Variants in NLGN1 observed in about 807,000 individuals in gnomAD.
NLGN1 encodes neuroligin-1.
NLGN1 carries 12 observed loss-of-function variants against 65.5 expected under a neutral mutation model. The observed-to-expected ratio is 0.18, with a 90% CI of 0.12 to 0.30. NLGN1 has a LOEUF of 0.30. NLGN1 is among the 10% of genes least tolerant of loss of function. NLGN1 has a pLI of 1.00. For synonymous variants in NLGN1, 350 were observed against 359.5 expected, an observed-to-expected ratio of 0.97 and a Z score of 0.30; for missense variants, 750 against 1,007.1, an observed-to-expected ratio of 0.74 and a Z score of 3.46.
chr3:174,003,392 C>G (rs1217781626), intron 4 of NLGN1, among the ~76,000 whole-genome samples: 2 of 152,020 alleles, frequency 1.3e-5, no homozygotes, highest in Non-Finnish European at 2.9e-5. Context: ...TTAGTATCAC[C>G]TGGGAGATTG....
chr3:173,916,302 C>G (rs9856804), intron 4 of NLGN1, among the ~76,000 whole-genome samples: 43,900 of 151,822 alleles, frequency 0.29, 6,566 homozygotes, highest in East Asian at 0.36. Flanking sequence ...AGTACAGAGC[C>G]CAAAACACAA....
intron 3 of NLGN1, among the ~76,000 whole-genome samples, chr3:173,716,645 C>T (rs1769899044): frequency 6.6e-6 from 1 of 152,130 alleles, no homozygotes; most frequent in Admixed American, 6.6e-5. Flanking sequence ...CACCCAACTC[C>T]TGCTGACTTG....
Position 173,878,871 on chromosome 3 carries a change from T to TACACCTTTTGACTC in NLGN1, c.646+71042_646+71055dup, listed in dbSNP as rs1253793093. Reference sequence around the variant, plus strand: ...CTGAATCAAGAGTTATGTGGATATTTACACCTTTTGACTCACTCAGCATAT... The same window carrying TACACCTTTTGACTC: ...CTGAATCAAGAGTTATGTGGATATTTACACCTTTTGACTCACACCTTTTGACTCACTCAGCATAT... On this transcript the variant is annotated intron_variant, in intron 4 of 6. Transcript: ENST00000457714. Among the ~76,000 whole-genome samples, 7 of 152,216 alleles carry TACACCTTTTGACTC rather than the reference T, an allele frequency of 4.6e-5. No individual in the cohort carries two copies. The East Asian group carries it at 1.4e-3, about 29-fold the overall frequency.
At chr3:173,421,467 A>G (rs1487493128) in intron 1 of NLGN1, among the ~76,000 whole-genome samples, 1 of 151,576 alleles carries the variant, frequency 6.6e-6, no homozygotes. Context: ...AGGTATTCCA[A>G]CAAAGTCCAT....
At chr3:173,684,575 A>G (rs1764418636) in intron 3 of NLGN1, among the ~76,000 whole-genome samples, 1 of 152,218 alleles carries the variant, frequency 6.6e-6, no homozygotes, top group Non-Finnish European at 1.5e-5. Flanking sequence ...TGATGTTCAA[A>G]GAACCCAATT....
intron 4 of NLGN1, among the ~76,000 whole-genome samples, chr3:173,986,455 C>G (rs1560782092): frequency 6.6e-6 from 1 of 151,798 alleles, no homozygotes; most frequent in Non-Finnish European, 1.5e-5. Flanking sequence ...GGCAACAGAG[C>G]AAGACTCCAT....
intron 4 of NLGN1, among the ~76,000 whole-genome samples, chr3:174,036,421 C>A (rs968402845): frequency 1.3e-5 from 2 of 151,940 alleles, no homozygotes; most frequent in African/African-American, 4.8e-5. Context: ...TGTTTCTATG[C>A]AAATAAAGAT....
At chr3:174,136,472 A>G (rs775904979) in intron 4 of NLGN1, 2 of 152,154 alleles carry the variant, frequency 1.3e-5, no homozygotes, top group African/African-American at 4.8e-5. Context: ...GGGCAGAGCA[A>G]CATTGTTTTG....
intron 4 of NLGN1, among the ~76,000 whole-genome samples, chr3:174,141,497 C>T (rs1295505388): frequency 6.6e-6 from 1 of 152,154 alleles, no homozygotes; most frequent in Non-Finnish European, 1.5e-5. Flanking sequence ...GTTTCATTCA[C>T]TGAACATACA....
chr3:173,836,399 A>G (rs1723637551), intron 4 of NLGN1, among the ~76,000 whole-genome samples: 1 of 152,150 alleles, frequency 6.6e-6, no homozygotes, highest in Admixed American at 6.5e-5. Context: ...CTAATACTAT[A>G]GTAGTAATAA....
chr3:174,203,552 G>A (rs1400455262), intron 4 of NLGN1, among the ~76,000 whole-genome samples: 1 of 152,152 alleles, frequency 6.6e-6, no homozygotes, highest in Non-Finnish European at 1.5e-5. Context: ...CTAGCATGCT[G>A]CTACAGCTGC....
At chr3:173,525,230 TTTGTTG>T (rs34726754) in intron 2 of NLGN1, among the ~76,000 whole-genome samples, 5,358 of 150,296 alleles carry the variant, frequency 0.036, 307 homozygotes, top group African/African-American at 0.12. Flanking sequence ...GGGTGGGTTT[TTTGTTG>T]TTGTTGTTGT....
chr3:173,444,085 A>G (rs935084194), intron 2 of NLGN1, among the ~76,000 whole-genome samples: 2 of 152,216 alleles, frequency 1.3e-5, no homozygotes, highest in African/African-American at 4.8e-5. Context: ...TATCACATAT[A>G]CTGGGCATCT....
intron 4 of NLGN1, among the ~76,000 whole-genome samples, chr3:174,100,565 C>T (rs528630497): frequency 6.6e-6 from 1 of 152,148 alleles, no homozygotes; most frequent in African/African-American, 2.4e-5. Flanking sequence ...CCAACTTCTC[C>T]CCTCACCCCA....
intron 3 of NLGN1, among the ~76,000 whole-genome samples, chr3:173,733,573 G>A (rs1476553129): frequency 6.6e-6 from 1 of 152,088 alleles, no homozygotes; most frequent in East Asian, 1.9e-4. Context: ...CATATTGCCT[G>A]CAAGTGTACC....
At chr3:174,278,019 G>A (rs984227912) in intron 5 of NLGN1, among the ~76,000 whole-genome samples, 1 of 151,938 alleles carries the variant, frequency 6.6e-6, no homozygotes, top group Non-Finnish European at 1.5e-5. Context: ...AAATTTGAAT[G>A]ACATGCAGCA....
At chr3:173,687,582 G>C (rs1764860631) in intron 3 of NLGN1, among the ~76,000 whole-genome samples, 1 of 152,150 alleles carries the variant, frequency 6.6e-6, no homozygotes, top group Non-Finnish European at 1.5e-5. Flanking sequence ...TTATAAAACA[G>C]TTGTATTTTG....
intron 1 of NLGN1, among the ~76,000 whole-genome samples, chr3:173,403,430 T>C (rs1718078929): frequency 6.6e-6 from 1 of 152,132 alleles, no homozygotes; most frequent in Non-Finnish European, 1.5e-5. Context: ...GAGAAATGAC[T>C]GAACCCTTTG....
chr3:173,658,093 A>G (rs1760355035), intron 3 of NLGN1, among the ~76,000 whole-genome samples: 1 of 152,008 alleles, frequency 6.6e-6, no homozygotes. Flanking sequence ...AGTTAGAGAA[A>G]TTTAACAGGC....
Sources: gnomAD v4.1 joint callset for allele counts (sites outside exome capture counted in the v4.1 genomes callset) on GRCh38, gnomAD v4.1.1 for gene constraint, MANE v1.5 for transcripts, NCBI Gene and HGNC (gene_info 2026-07-23, HGNC 2026-07-21) for gene names.